Variants in CPA6 observed in about 807,000 individuals in gnomAD.
CPA6 encodes carboxypeptidase B.
Under a neutral mutation model 63.3 loss-of-function variants are expected in CPA6, and 58 were observed. The observed-to-expected ratio is 0.92, with a 90% CI of 0.74 to 1.14. The LOEUF is 1.14. CPA6 is among the 50% of genes most tolerant of loss of function. The pLI is 0.00. For synonymous variants in CPA6, 185 were observed against 179.0 expected (o/e 1.03, Z -0.27); for missense variants, 565 against 526.6 (o/e 1.07, Z -0.71).
At chr8:67,705,572 C>T (rs566831899) in intron 1 of CPA6, among the ~76,000 whole-genome samples, 43 of 152,264 alleles carry the variant, frequency 2.8e-4, no homozygotes, top group African/African-American at 9.9e-4. Context: ...CTAAATATCC[C>T]ACACCTCTTT....
At chr8:67,436,567 G>T (rs1470758274) in intron 8 of CPA6, among the ~76,000 whole-genome samples, 1 of 152,046 alleles carries the variant, frequency 6.6e-6, no homozygotes, top group Admixed American at 6.6e-5. Context: ...TTAGAACAGC[G>T]CTATCCAAAC....
intron 6 of CPA6, among the ~76,000 whole-genome samples, chr8:67,489,107 T>C (rs1811550288): frequency 6.7e-6 from 1 of 149,172 alleles, no homozygotes; most frequent in Non-Finnish European, 1.5e-5. Context: ...GAGTGTTTTT[T>C]TTCTTTTTTT....
intron 2 of CPA6, among the ~76,000 whole-genome samples, chr8:67,546,377 T>G (rs1812818805): frequency 6.6e-6 from 1 of 152,216 alleles, no homozygotes; most frequent in Non-Finnish European, 1.5e-5. Context: ...TCATTAAAGA[T>G]TTGTTGTTAA....
chr8:67,604,799 T>C (rs1485161556), intron 2 of CPA6, among the ~76,000 whole-genome samples: 1 of 152,150 alleles, frequency 6.6e-6, no homozygotes, highest in Non-Finnish European at 1.5e-5. Flanking sequence ...TTTTTTGAGA[T>C]TGAGTTTCAT....
At chr8:67,698,681 T>C (rs1217613424) in intron 1 of CPA6, among the ~76,000 whole-genome samples, 7 of 152,224 alleles carry the variant, frequency 4.6e-5, no homozygotes. Flanking sequence ...AGGTCTCCTC[T>C]CCCCAACTGG....
chr8:67,632,766 A>T (rs1328399081), intron 1 of CPA6, among the ~76,000 whole-genome samples: 5 of 152,192 alleles, frequency 3.3e-5, no homozygotes, highest in Non-Finnish European at 7.4e-5. Context: ...TATTTTTGTT[A>T]CTGTTTTATT....
chr8:67,507,879 C>T (rs1274450805), intron 5 of CPA6, among the ~76,000 whole-genome samples: 1 of 152,024 alleles, frequency 6.6e-6, no homozygotes, highest in Non-Finnish European at 1.5e-5. Flanking sequence ...AATCTGAGCG[C>T]ACCATATTGG....
At chr8:67,556,841 A>G (rs1813073739) in intron 2 of CPA6, among the ~76,000 whole-genome samples, 2 of 152,192 alleles carry the variant, frequency 1.3e-5, no homozygotes, top group South Asian at 4.1e-4. Context: ...TAGGCTTTTT[A>G]TCTAGGAATT....
intron 1 of CPA6, among the ~76,000 whole-genome samples, chr8:67,673,609 G>T (rs1244741569): frequency 9.9e-5 from 15 of 150,754 alleles, no homozygotes; most frequent in African/African-American, 3.7e-4. Flanking sequence ...AGCCAGGATG[G>T]TCTCAATCTC....
intron 2 of CPA6, among the ~76,000 whole-genome samples, chr8:67,596,542 T>C (rs1216970794): frequency 6.6e-6 from 1 of 152,090 alleles, no homozygotes; most frequent in African/African-American, 2.4e-5. Flanking sequence ...TTTTTTTTTT[T>C]TTTACTCTAC....
chr8:67,522,175 T>G (rs529807275), intron 2 of CPA6, among the ~76,000 whole-genome samples: 2 of 152,222 alleles, frequency 1.3e-5, no homozygotes, highest in South Asian at 4.2e-4. Context: ...GGTGCTTTTT[T>G]CAGGCCCGCC....
At chr8:67,511,685 A>AATAACATTTTCCCAACATTTG in intron 3 of CPA6, 30 bp from the exon 4 acceptor site, 1 of 1,320,648 alleles carries the variant, frequency 7.6e-7, no homozygotes, top group Non-Finnish European at 1.1e-6. Flanking sequence ...CATGATGAAA[A>AATAACATTTTCCCAACATTTG]GTAAATTGAG....
intron 2 of CPA6, among the ~76,000 whole-genome samples, chr8:67,536,647 G>T (rs150175593): frequency 0.016 from 2,413 of 152,262 alleles, 53 homozygotes; most frequent in Admixed American, 0.055. Flanking sequence ...TGCAAACAGA[G>T]ACAATTTGAC....
chr8:67,654,730 T>G (rs1474682916), intron 1 of CPA6, among the ~76,000 whole-genome samples: 2 of 152,168 alleles, frequency 1.3e-5, no homozygotes, highest in Non-Finnish European at 2.9e-5. Context: ...GTAAAATCTC[T>G]GACAATGTCC....
At chr8:67,648,503 A>T (rs974235312) in intron 1 of CPA6, among the ~76,000 whole-genome samples, 8 of 152,214 alleles carry the variant, frequency 5.3e-5, no homozygotes, top group Middle Eastern at 3.4e-3. Context: ...CACGTCTGGA[A>T]CCCTCATTGC....
chr8:67,529,227 C>T (rs1563987723), intron 2 of CPA6, among the ~76,000 whole-genome samples: 2 of 151,934 alleles, frequency 1.3e-5, no homozygotes, highest in Non-Finnish European at 2.9e-5. Flanking sequence ...GACCTCAAAA[C>T]AGAAATGCTC....
chr8:67,475,561 G>A (rs1811153821), intron 8 of CPA6, among the ~76,000 whole-genome samples: 1 of 152,212 alleles, frequency 6.6e-6, no homozygotes, highest in South Asian at 2.1e-4. Flanking sequence ...ATGTTTGCTG[G>A]TCTCTGACCT....
At chr8:67,511,445 T>G in intron 4 of CPA6, 96 bp downstream of exon 4, 1 of 714,434 alleles carries the variant, frequency 1.4e-6, no homozygotes, top group Non-Finnish European at 2.5e-6. Flanking sequence ...TTTATGCTTC[T>G]CCCCTAGAAG....
intron 4 of CPA6, among the ~76,000 whole-genome samples, chr8:67,511,144 A>G (rs901270174): frequency 1.3e-5 from 2 of 152,152 alleles, no homozygotes; most frequent in Non-Finnish European, 2.9e-5. Context: ...AGAGGTCTCA[A>G]CTTTGCAGAG....
Sources: allele counts gnomAD v4.1 joint callset (sites outside exome capture counted in the v4.1 genomes callset), GRCh38; gene constraint gnomAD v4.1.1; transcripts MANE v1.5; gene names NCBI Gene and HGNC (gene_info 2026-07-23, HGNC 2026-07-21).